Variants in SLC24A2 observed in about 807,000 individuals in gnomAD.
SLC24A2 encodes sodium/potassium/calcium exchanger 2.
A neutral mutation model predicts 62.0 loss-of-function variants in SLC24A2; 36 were observed. The observed-to-expected ratio is 0.58, with a 90% CI of 0.44 to 0.77. SLC24A2 has a LOEUF of 0.77. SLC24A2 is among the 30% of genes least tolerant of loss of function. SLC24A2 has a pLI of 0.00. For synonymous variants in SLC24A2, 358 were observed against 294.0 expected (o/e 1.22, Z -2.23); for missense variants, 846 against 817.9 (o/e 1.03, Z -0.42).
At chr9:19,524,137 CAAAAAAAAA>C (rs57173482) in intron 9 of SLC24A2, among the ~76,000 whole-genome samples, 2 of 84,704 alleles carry the variant, frequency 2.4e-5, no homozygotes, top group Admixed American at 1.5e-4. Context: ...ACTTCATTTT[CAAAAAAAAA>C]AAAAAAAAAA....
chr9:19,692,692 T>C (rs963715066), intron 2 of SLC24A2, among the ~76,000 whole-genome samples: 3 of 152,168 alleles, frequency 2.0e-5, no homozygotes, highest in Non-Finnish European at 2.9e-5. Context: ...ATGCATCACA[T>C]TCTTATTTGC....
At chr9:19,787,654 T>C (rs925085526) in intron 1 of SLC24A2, among the ~76,000 whole-genome samples, 2 of 152,080 alleles carry the variant, frequency 1.3e-5, no homozygotes, top group African/African-American at 4.8e-5. Flanking sequence ...CAAATTTAAG[T>C]TTACAAAAAA....
chr9:19,793,754 A>G (rs552494661), upstream of SLC24A2, among the ~76,000 whole-genome samples: 1 of 152,314 alleles, frequency 6.6e-6, no homozygotes, highest in South Asian at 2.1e-4. Flanking sequence ...ATAGTATATG[A>G]TAGTCCCTGC....
chr9:19,530,905 G>A (rs1012259168), intron 8 of SLC24A2, among the ~76,000 whole-genome samples: 2 of 152,268 alleles, frequency 1.3e-5, no homozygotes, highest in East Asian at 1.9e-4. Context: ...CAGCCTGACT[G>A]TACCACACGT....
At chr9:20,008,982 C>T in the SLC24A2 span, among the ~76,000 whole-genome samples, 1 of 152,142 alleles carries the variant, frequency 6.6e-6, no homozygotes, top group East Asian at 1.9e-4. Flanking sequence ...GGCTGAGACA[C>T]CCCCTTAGAC....
At chr9:19,530,667 G>C (rs1833663752) in intron 8 of SLC24A2, among the ~76,000 whole-genome samples, 1 of 152,136 alleles carries the variant, frequency 6.6e-6, no homozygotes, top group African/African-American at 2.4e-5. Flanking sequence ...CAACATACTA[G>C]GGAAAACCTC....
rs1203737499 is a variant in SLC24A2, at chr9:19,563,817, C to T, written c.1347+9534G>A. On this transcript the variant is annotated intron_variant, in intron 7 of 10. Transcript: ENST00000341998. ...ATGACCCTTCCTTCCTTCCTTCCTTCCTTCCTTCCTCCCTCCCTCCCTCCC... is the reference window on the plus strand; with the variant it reads ...ATGACCCTTCCTTCCTTCCTTCCTTTCTTCCTTCCTCCCTCCCTCCCTCCC... 8.2e-3 allele frequency among the ~76,000 whole-genome samples: 775 copies of T among 94,622 alleles called. 4 individuals are homozygous for T. Among genetic ancestry groups the T allele is most frequent in the Non-Finnish European group, 0.012 (632 of 51,560 alleles). The allele number at this position is 94,622 out of a possible 152,430, so 62.1% of individuals were successfully genotyped here.
At chr9:20,079,989 A>G in the SLC24A2 span, among the ~76,000 whole-genome samples, 10 of 152,222 alleles carry the variant, frequency 6.6e-5, no homozygotes. Context: ...ATATAAACAA[A>G]TGGAAAAACG....
the SLC24A2 span, among the ~76,000 whole-genome samples, chr9:20,280,191 G>A: frequency 1.3e-5 from 2 of 152,328 alleles, 1 homozygote; most frequent in South Asian, 4.1e-4. Flanking sequence ...GGGCTCCGAA[G>A]AAAGTTAAAC....
the SLC24A2 span, among the ~76,000 whole-genome samples, chr9:20,177,282 CT>C: frequency 6.6e-6 from 1 of 152,078 alleles, no homozygotes; most frequent in Admixed American, 6.6e-5. Context: ...TTCCTGATTT[CT>C]GATTTTAAAA....
At chr9:19,787,613 C>G (rs558892756) in intron 1 of SLC24A2, among the ~76,000 whole-genome samples, 1 of 152,216 alleles carries the variant, frequency 6.6e-6, no homozygotes, top group Admixed American at 6.5e-5. Flanking sequence ...AAAAGTCTCT[C>G]CTTTATCAGA....
At chr9:19,578,938 C>T (rs1002405669) in intron 5 of SLC24A2, among the ~76,000 whole-genome samples, 1 of 152,168 alleles carries the variant, frequency 6.6e-6, no homozygotes, top group Non-Finnish European at 1.5e-5. Context: ...AATGAATGTG[C>T]ACCACTGAGT....
chr9:20,276,690 C>T, the SLC24A2 span, among the ~76,000 whole-genome samples: 1 of 152,254 alleles, frequency 6.6e-6, no homozygotes, highest in African/African-American at 2.4e-5. Context: ...GAGGGCTCTG[C>T]CCCTGCAGCA....
At chr9:19,541,550 G>A (rs1308433102) in intron 8 of SLC24A2, among the ~76,000 whole-genome samples, 1 of 148,244 alleles carries the variant, frequency 6.7e-6, no homozygotes, top group Non-Finnish European at 1.5e-5. Context: ...AATTGAGGAG[G>A]CAGTCTGCCC....
chr9:19,635,325 T>C (rs192114737), intron 2 of SLC24A2, among the ~76,000 whole-genome samples: 2 of 152,374 alleles, frequency 1.3e-5, no homozygotes, highest in East Asian at 1.9e-4. Context: ...CTATTGGCTC[T>C]GAAATTTTGG....
chr9:19,890,860 C>A, the SLC24A2 span, among the ~76,000 whole-genome samples: 22 of 152,224 alleles, frequency 1.4e-4, no homozygotes, highest in African/African-American at 5.3e-4. Context: ...TCCTCCAGTA[C>A]CTTTCTCATT....
At chr9:19,850,771 T>G in the SLC24A2 span, among the ~76,000 whole-genome samples, 4 of 151,416 alleles carry the variant, frequency 2.6e-5, no homozygotes, top group African/African-American at 4.8e-5. Flanking sequence ...TTTTATCTAT[T>G]AAAAACATAG....
At chr9:20,104,558 G>T in the SLC24A2 span, among the ~76,000 whole-genome samples, 1 of 152,194 alleles carries the variant, frequency 6.6e-6, no homozygotes, top group Non-Finnish European at 1.5e-5. Flanking sequence ...CATTCTTAAA[G>T]AAAAGAACTT....
At chr9:19,873,040 T>A in the SLC24A2 span, among the ~76,000 whole-genome samples, 1 of 149,826 alleles carries the variant, frequency 6.7e-6, no homozygotes, top group East Asian at 1.9e-4. Flanking sequence ...GAAATAAGCA[T>A]AATCATTAAA....
Sources: allele counts gnomAD v4.1 joint callset (sites outside exome capture counted in the v4.1 genomes callset), GRCh38; gene constraint gnomAD v4.1.1; transcripts MANE v1.5; gene names NCBI Gene and HGNC (gene_info 2026-07-23, HGNC 2026-07-21).